Variants in FMNL2 observed in about 807,000 individuals in gnomAD.
The protein encoded by FMNL2 is formin-like protein 2.
Under a neutral mutation model 130.2 loss-of-function variants are expected in FMNL2, and 51 were observed. The ratio of observed to expected loss-of-function variants is 0.39; its 90% confidence interval spans 0.31 to 0.49. The LOEUF is 0.49. Among genes scored for constraint, FMNL2 ranks in the 20% least tolerant of loss-of-function variants. The probability of loss-of-function intolerance (pLI) is 0.85; values close to 1 mark genes in which losing one functional copy is unlikely to be tolerated. For synonymous variants in FMNL2, 465 were observed against 467.1 expected (o/e 1.00, Z 0.06); for missense variants, 977 against 1,316.2 (o/e 0.74, Z 3.99).
intron 9 of FMNL2, among the ~76,000 whole-genome samples, chr2:152,583,472 A>G (rs750503946): frequency 2.0e-5 from 3 of 152,222 alleles, no homozygotes; most frequent in Non-Finnish European, 4.4e-5. Flanking sequence ...CATGCTTGAG[A>G]GAGTCACACA....
chr2:152,489,370 C>T (rs1691014821), intron 1 of FMNL2, among the ~76,000 whole-genome samples: 1 of 152,234 alleles, frequency 6.6e-6, no homozygotes, highest in African/African-American at 2.4e-5. Context: ...CTGTGTGCCA[C>T]TTAACAGTAT....
intron 4 of FMNL2, among the ~76,000 whole-genome samples, chr2:152,553,700 T>C (rs1014281272): frequency 1.3e-5 from 2 of 151,570 alleles, no homozygotes; most frequent in Admixed American, 6.6e-5. Context: ...TAATATTTAA[T>C]AACATTTAAT....
At position 152,647,848 on chromosome 2, in the gene FMNL2, G is replaced by A. The variant is rs1007921675; in HGVS notation, c.3222G>A (p.Arg1074=). Residue 1074 remains arginine (R), a synonymous_variant, in exon 26 of 26, where the codon AGG becomes AGA. Coordinates refer to ENST00000288670, the MANE Select transcript of FMNL2 (RefSeq NM_052905.4). ...CCGATGCGGTGAGGAGAAGCGTCAG[G>A]CGGCGCTTTGATGATCAGAACTTGC... ...RRADAVRRSV[R]RRFDDQNLRS... is the part of the protein sequence containing the mutation. The A allele has an allele frequency of 6.2e-7, 1 of 1,613,948 alleles. No homozygotes were observed.
Position 152,610,112 on chromosome 2 carries a change from A to G in FMNL2, c.952-1383A>G, listed in dbSNP as rs574780283. 3.5e-4 allele frequency among the ~76,000 whole-genome samples: 53 copies of G among 152,318 alleles called. No individual in the cohort carries two copies. The South Asian group carries it at 3.9e-3, about 11-fold the overall frequency. Reference sequence around the variant, plus strand: ...CGTTGATTATATGGAAAGATGGGTCAAGGATCTGTTACTATCCTGTTGATA... The same window carrying G: ...CGTTGATTATATGGAAAGATGGGTCGAGGATCTGTTACTATCCTGTTGATA... On this transcript the variant is annotated intron_variant, in intron 10 of 25. Coordinates refer to ENST00000288670, the MANE Select transcript of FMNL2 (RefSeq NM_052905.4).
intron 1 of FMNL2, among the ~76,000 whole-genome samples, chr2:152,508,509 G>C (rs941950006): frequency 6.6e-6 from 1 of 152,184 alleles, no homozygotes; most frequent in African/African-American, 2.4e-5. Context: ...GGCTCCTTAG[G>C]ACTTGAGGTG....
intron 4 of FMNL2, among the ~76,000 whole-genome samples, chr2:152,557,169 TA>T (rs1452170050): frequency 1.3e-5 from 2 of 152,114 alleles, no homozygotes; most frequent in African/African-American, 4.8e-5. Context: ...AGAAAGTACT[TA>T]AAATAAATAA....
chr2:152,626,520 C>T lies in FMNL2; in HGVS notation c.1963-5C>T, dbSNP rs778023264. ...ATTTTCCATGGTCATTCCTCTCTAT[C>T]TTAGGATTTAAATGTGGATGAATTT... On this transcript the variant is annotated splice_region_variant and splice_polypyrimidine_tract_variant and intron_variant, in intron 16 of 25. Transcript: ENST00000288670. 1.3e-6 allele frequency: 2 copies of T among 1,595,394 alleles called. No individual in the cohort carries two copies. Among genetic ancestry groups the T allele is most frequent in the Non-Finnish European group, 1.7e-6 (2 of 1,170,010 alleles).
intron 1 of FMNL2, among the ~76,000 whole-genome samples, chr2:152,439,685 C>T (rs75735602): frequency 2.6e-5 from 4 of 151,470 alleles, no homozygotes; most frequent in Non-Finnish European, 5.9e-5. Flanking sequence ...TTTCTTTGCT[C>T]TCTTTGATCC....
Position 152,647,875 on chromosome 2 carries a change from TTC to T in FMNL2, c.3251_3252del (p.Ser1084CysfsTer2), listed in dbSNP as rs748710465. 44 of 1,613,630 alleles carry T rather than the reference TTC, an allele frequency of 2.7e-5. No individual in the cohort carries two copies. In the Admixed American group the frequency reaches 2.8e-4, roughly 10 times the overall value. On this transcript the variant is annotated frameshift_variant, in exon 26 of 26. Transcript: ENST00000288670. LOFTEE classifies it high-confidence loss of function. ...GGCGCTTTGATGATCAGAACTTGCG[TTC>T]TGTTAATGGTGCCGAAATAACAATG... ...RRRFDDQNLR[S>X]VNGAEITM is the part of the protein sequence containing the mutation.
intron 1 of FMNL2, among the ~76,000 whole-genome samples, chr2:152,440,372 G>A (rs1687989794): frequency 6.6e-6 from 1 of 152,152 alleles, no homozygotes; most frequent in South Asian, 2.1e-4. Flanking sequence ...CTTTATGCTT[G>A]CAAAAAACCA....
rs1255531313 is a variant in FMNL2 at position 152,414,936 on chromosome 2, T to C, written c.117+79216T>C. Among the ~76,000 whole-genome samples, 3 of 152,158 alleles carry C rather than the reference T, an allele frequency of 2.0e-5. No individual in the cohort carries two copies. The East Asian group carries it at 5.8e-4, about 29-fold the overall frequency. ...TGAAGTGATGGAGACCTTGGGTGTC[T>C]AGCAACTGCCATTGTTTGTCAGGGG... On this transcript the variant is annotated intron_variant, in intron 1 of 25. Coordinates refer to ENST00000288670, the MANE Select transcript of FMNL2 (RefSeq NM_052905.4).
At chr2:152,640,121 G>GC in intron 24 of FMNL2, 65 bp downstream of exon 24, 1 of 1,392,910 alleles carries the variant, frequency 7.2e-7, no homozygotes, top group South Asian at 1.5e-5. Flanking sequence ...TTCAGAGCAA[G>GC]CCATACAAAG....
intron 4 of FMNL2, among the ~76,000 whole-genome samples, chr2:152,551,437 G>A (rs182406107): frequency 2.0e-5 from 3 of 152,332 alleles, no homozygotes; most frequent in East Asian, 3.9e-4. Context: ...AAAAATTCAT[G>A]GAGATGCATT....
chr2:152,571,262 GAAACTGATTTC>G (rs934440773), intron 6 of FMNL2, among the ~76,000 whole-genome samples: 1 of 152,178 alleles, frequency 6.6e-6, no homozygotes, highest in Non-Finnish European at 1.5e-5. Flanking sequence ...CATTGCTGCT[GAAACTGATTTC>G]AAATTTCAGT....
At chr2:152,548,152 C>A (rs1035116471) in intron 3 of FMNL2, among the ~76,000 whole-genome samples, 4 of 152,096 alleles carry the variant, frequency 2.6e-5, no homozygotes, top group African/African-American at 9.7e-5. Flanking sequence ...GGGTGGTGTG[C>A]TCTGGAGGAA....
intron 1 of FMNL2, among the ~76,000 whole-genome samples, chr2:152,361,203 C>T (rs902720990): frequency 1.3e-5 from 2 of 152,000 alleles, no homozygotes; most frequent in East Asian, 1.9e-4. Context: ...TAATGTGTAT[C>T]TCTTGAGTTT....
At chr2:152,476,378 AT>A (rs1187363239) in intron 1 of FMNL2, among the ~76,000 whole-genome samples, 1 of 152,224 alleles carries the variant, frequency 6.6e-6, no homozygotes, top group Non-Finnish European at 1.5e-5. Flanking sequence ...TAGTACCAAC[AT>A]TTTGTAGAAG....
intron 1 of FMNL2, among the ~76,000 whole-genome samples, chr2:152,487,461 A>C (rs188878135): frequency 6.6e-6 from 1 of 152,352 alleles, no homozygotes; most frequent in Admixed American, 6.5e-5. Flanking sequence ...AGTGTCTCCA[A>C]GTAAAGGTAG....
chr2:152,450,039 T>C (rs1027923230), intron 1 of FMNL2, among the ~76,000 whole-genome samples: 3 of 152,228 alleles, frequency 2.0e-5, no homozygotes, highest in African/African-American at 7.2e-5. Flanking sequence ...CGGCTCCTTC[T>C]GTCACCGACA....
Sources: gnomAD v4.1 joint callset for allele counts (sites outside exome capture counted in the v4.1 genomes callset) on GRCh38, gnomAD v4.1.1 for gene constraint, MANE v1.5 for transcripts, NCBI Gene and HGNC (gene_info 2026-07-23, HGNC 2026-07-21) for gene names.